HS3ST4: variants seen among roughly 807,000 people sequenced by gnomAD.
The protein encoded by HS3ST4 is heparan sulfate glucosamine 3-O-sulfotransferase 4.
A neutral mutation model predicts 29.2 loss-of-function variants in HS3ST4; 17 were observed. The observed-to-expected ratio is 0.58, with a 90% CI of 0.40 to 0.87. The LOEUF is 0.87. HS3ST4 is among the 40% of genes least tolerant of loss of function. The probability of loss-of-function intolerance (pLI) is 0.00; values close to 1 mark genes in which losing one functional copy is unlikely to be tolerated. For missense variants in HS3ST4, 627 were observed against 634.5 expected, an observed-to-expected ratio of 0.99 and a Z score of 0.13; for synonymous variants, 314 against 285.7, an observed-to-expected ratio of 1.10 and a Z score of -1.00.
rs1426696417 is a variant in HS3ST4 at position 25,828,305 on chromosome 16, T to C, written c.734+135154T>C. 2.6e-3 allele frequency among the ~76,000 whole-genome samples: 198 copies of C among 76,014 alleles called. 1 individual carries two copies. The highest frequency in any genetic ancestry group is 3.4e-3 in the Non-Finnish European group (139 of 40,878). The allele number at this position is 76,014 out of a possible 152,430, so 49.9% of individuals were successfully genotyped here. On this transcript the variant is annotated intron_variant, in intron 1 of 1. Transcript: ENST00000331351. ...CTTTCTTTCTTTCTTTCTTTCCCTCTCTCTCTCTCTCTCTCTCTCTCTCTC... is the reference window on the plus strand; with the variant it reads ...CTTTCTTTCTTTCTTTCTTTCCCTCCCTCTCTCTCTCTCTCTCTCTCTCTC...
intron 1 of HS3ST4, among the ~76,000 whole-genome samples, chr16:26,114,345 C>T (rs1899174280): frequency 6.6e-6 from 1 of 152,030 alleles, no homozygotes; most frequent in South Asian, 2.1e-4. Flanking sequence ...TAATTATTTC[C>T]ACATTAATAT....
chr16:25,943,380 T>C (rs1307880553), intron 1 of HS3ST4, among the ~76,000 whole-genome samples: 1 of 152,182 alleles, frequency 6.6e-6, no homozygotes, highest in Non-Finnish European at 1.5e-5. Context: ...TTACAAAGTG[T>C]AGAGTCTCAC....
intron 1 of HS3ST4, among the ~76,000 whole-genome samples, chr16:26,130,600 C>T (rs1482482283): frequency 6.6e-6 from 1 of 152,122 alleles, no homozygotes; most frequent in Non-Finnish European, 1.5e-5. Flanking sequence ...TTATTCTAAG[C>T]CCTGTAACGC....
chr16:25,918,195 A>G (rs1567272214), intron 1 of HS3ST4, among the ~76,000 whole-genome samples: 1 of 152,246 alleles, frequency 6.6e-6, no homozygotes, highest in Non-Finnish European at 1.5e-5. Flanking sequence ...AAAAACTGTA[A>G]TAAAACAGTA....
chr16:25,848,058 A>G (rs1456154373), intron 1 of HS3ST4, among the ~76,000 whole-genome samples: 1 of 152,146 alleles, frequency 6.6e-6, no homozygotes, highest in Non-Finnish European at 1.5e-5. Flanking sequence ...AGTACAGATT[A>G]CATATTGTGA....
chr16:25,863,526 T>C (rs142269482), intron 1 of HS3ST4, among the ~76,000 whole-genome samples: 138 of 152,332 alleles, frequency 9.1e-4, no homozygotes, highest in African/African-American at 3.1e-3. Context: ...ATTATTTCTG[T>C]CTCCACTATG....
At chr16:26,011,379 G>T (rs1969309218) in intron 1 of HS3ST4, among the ~76,000 whole-genome samples, 1 of 151,742 alleles carries the variant, frequency 6.6e-6, no homozygotes, top group African/African-American at 2.4e-5. Flanking sequence ...GACCAACATG[G>T]TGAAACCCCG....
At chr16:26,019,023 A>G (rs1482315366) in intron 1 of HS3ST4, among the ~76,000 whole-genome samples, 1 of 152,040 alleles carries the variant, frequency 6.6e-6, no homozygotes, top group Non-Finnish European at 1.5e-5. Flanking sequence ...ATACTCTGTT[A>G]CCTCTAATTT....
intron 1 of HS3ST4, among the ~76,000 whole-genome samples, chr16:25,873,480 CTCTATCTA>C (rs1157206082): frequency 1.4e-4 from 10 of 69,952 alleles, no homozygotes; most frequent in Non-Finnish European, 1.7e-4. Context: ...CCATCTATCT[CTCTATCTA>C]TCTATCTATC....
intron 1 of HS3ST4, among the ~76,000 whole-genome samples, chr16:25,949,723 G>C (rs1968664640): frequency 6.6e-6 from 1 of 152,184 alleles, no homozygotes; most frequent in South Asian, 2.1e-4. Flanking sequence ...AATGGACTCA[G>C]CAGGATTCTT....
intron 1 of HS3ST4, among the ~76,000 whole-genome samples, chr16:25,741,671 G>T (rs563285258): frequency 3.9e-5 from 6 of 152,260 alleles, no homozygotes; most frequent in Admixed American, 2.6e-4. Flanking sequence ...GCTAGTTTCT[G>T]CCCCATGGAG....
chr16:25,820,205 T>C (rs1967136635), intron 1 of HS3ST4, among the ~76,000 whole-genome samples: 1 of 151,738 alleles, frequency 6.6e-6, no homozygotes, highest in Admixed American at 6.6e-5. Flanking sequence ...GTTTGCCTGA[T>C]GGACAATTGC....
intron 1 of HS3ST4, among the ~76,000 whole-genome samples, chr16:25,833,965 T>C (rs1174075226): frequency 6.6e-6 from 1 of 152,146 alleles, no homozygotes; most frequent in Non-Finnish European, 1.5e-5. Flanking sequence ...TGCTGTGTGC[T>C]AGGTCTGATG....
In HS3ST4 at chr16:25,692,830, C is replaced by A. The variant is rs1462181064; in HGVS notation, c.413C>A (p.Ala138Asp). 7 of 1,396,136 alleles carry A rather than the reference C, an allele frequency of 5.0e-6. No homozygotes were observed. Among genetic ancestry groups the A allele is most frequent in the Admixed American group, 3.4e-5 (1 of 29,228 alleles). The allele number at this position is 1,396,136 out of a possible 1,614,324, so 86.5% of individuals were successfully genotyped here. ...AGCGGCGGCGGAGGCGCCCAGGACGCCTGGCTCCGGACCCCGCTGGCCCCC... is the reference window on the plus strand; with the variant it reads ...AGCGGCGGCGGAGGCGCCCAGGACGACTGGCTCCGGACCCCGCTGGCCCCC... ...LPSGGGGAQD[A>D]WLRTPLAPSE... is the part of the protein sequence containing the mutation. Residue 138 changes from alanine (A) to aspartate (D), a missense_variant, in exon 1 of 2, where the codon GCC (alanine) becomes GAC (aspartate). Transcript: ENST00000331351.
At chr16:25,992,317 C>G (rs907184643) in intron 1 of HS3ST4, among the ~76,000 whole-genome samples, 20 of 152,110 alleles carry the variant, frequency 1.3e-4, no homozygotes, top group African/African-American at 4.8e-4. Flanking sequence ...AAGAGGACTT[C>G]CTAGAGAAAT....
intron 1 of HS3ST4, among the ~76,000 whole-genome samples, chr16:26,132,246 A>T (rs59216966): frequency 0.017 from 2,587 of 152,248 alleles, 80 homozygotes; most frequent in African/African-American, 0.058. Flanking sequence ...GTTTGAGGAA[A>T]GGGAGCTTTG....
intron 1 of HS3ST4, among the ~76,000 whole-genome samples, chr16:25,762,610 G>T (rs1966794952): frequency 6.6e-6 from 1 of 152,096 alleles, no homozygotes; most frequent in African/African-American, 2.4e-5. Flanking sequence ...CAGCACACCT[G>T]CAGTCCCAGC....
intron 1 of HS3ST4, among the ~76,000 whole-genome samples, chr16:25,983,507 C>G (rs886632104): frequency 2.0e-5 from 3 of 152,166 alleles, no homozygotes; most frequent in Non-Finnish European, 4.4e-5. Context: ...GTAGCAACCC[C>G]ATCTTCCTTG....
intron 1 of HS3ST4, among the ~76,000 whole-genome samples, chr16:26,113,420 C>T (rs890571750): frequency 2.1e-5 from 3 of 141,474 alleles, no homozygotes; most frequent in African/African-American, 8.0e-5. Context: ...CACTCCAGTC[C>T]AGGCAACAGA....
Sources: allele counts gnomAD v4.1 joint callset (sites outside exome capture counted in the v4.1 genomes callset), GRCh38; gene constraint gnomAD v4.1.1; transcripts MANE v1.5; gene names NCBI Gene and HGNC (gene_info 2026-07-23, HGNC 2026-07-21).